CFAP77: variants seen among roughly 807,000 people sequenced by gnomAD.
CFAP77 encodes the protein cilia and flagella associated protein 77.
A neutral mutation model predicts 31.1 loss-of-function variants in CFAP77; 25 were observed. The observed-to-expected ratio is 0.80, with a 90% confidence interval of 0.59 to 1.12. The LOEUF (loss-of-function observed/expected upper bound fraction) is 1.12. Among genes scored for constraint, CFAP77 ranks in the 50% most tolerant of loss-of-function variants. CFAP77 has a pLI of 0.00. For synonymous variants in CFAP77, 151 were observed against 159.9 expected (o/e 0.94, Z 0.42); for missense variants, 377 against 397.3 (o/e 0.95, Z 0.44).
At chr9:132,434,797 T>A (rs1850475008) in intron 1 of CFAP77, among the ~76,000 whole-genome samples, 1 of 152,196 alleles carries the variant, frequency 6.6e-6, no homozygotes, top group Non-Finnish European at 1.5e-5. Context: ...TGGCTTTTGA[T>A]TTGAGCATTT....
chr9:132,477,969 GT>G (rs1564218993), intron 1 of CFAP77, among the ~76,000 whole-genome samples: 2 of 152,140 alleles, frequency 1.3e-5, no homozygotes, highest in African/African-American at 4.8e-5. Flanking sequence ...AAGTCCAAAT[GT>G]TTGCAATTTC....
intron 4 of CFAP77, 95 bp downstream of exon 4, chr9:132,537,801 G>A: frequency 1.1e-6 from 1 of 877,198 alleles, no homozygotes; most frequent in Non-Finnish European, 1.8e-6. Flanking sequence ...ACTTGTGTAT[G>A]TTTGTCATTG....
Position 132,524,798 on chromosome 9 carries a change from G to A in CFAP77, c.525-12803G>A, listed in dbSNP as rs189220514. 6.7e-3 allele frequency among the ~76,000 whole-genome samples: 1,001 copies of A among 149,600 alleles called. 30 individuals are homozygous for A. Among genetic ancestry groups the A allele is most frequent in the Non-Finnish European group, 0.01 (704 of 67,120 alleles). ...CAAGTAGCTGGGACTACAGGCGCCCGCCACCACGCCCAGCTAATTTTTTGT... is the reference window on the plus strand; with the variant it reads ...CAAGTAGCTGGGACTACAGGCGCCCACCACCACGCCCAGCTAATTTTTTGT... On this transcript the variant is annotated intron_variant, in intron 3 of 5. Transcript: ENST00000393216.
rs79202857 is a variant in CFAP77, at chr9:132,531,628, G to A, written c.525-5973G>A. ...AGTCTGGGCTTAGGCTAAGACATGGGGGGGGGGGCATGGAAGGCATTTTAA... is the reference window on the plus strand; with the variant it reads ...AGTCTGGGCTTAGGCTAAGACATGGAGGGGGGGGCATGGAAGGCATTTTAA... On this transcript the variant is annotated intron_variant, in intron 3 of 5. Coordinates refer to ENST00000393216, the MANE Select transcript of CFAP77 (RefSeq NM_001282957.2). 3.5e-3 allele frequency among the ~76,000 whole-genome samples: 512 copies of A among 144,832 alleles called. 7 individuals are homozygous for A. The East Asian group carries it at 0.038, about 11-fold the overall frequency.
chr9:132,558,937 T>C (rs1242494829), intron 5 of CFAP77, among the ~76,000 whole-genome samples: 4 of 149,534 alleles, frequency 2.7e-5, no homozygotes, highest in African/African-American at 9.9e-5. Flanking sequence ...TCACTTGAAC[T>C]GAGGAGGCAG....
intron 1 of CFAP77, among the ~76,000 whole-genome samples, chr9:132,444,077 C>T (rs1438182270): frequency 6.6e-6 from 1 of 152,250 alleles, no homozygotes; most frequent in Non-Finnish European, 1.5e-5. Flanking sequence ...GAGCAGCCAC[C>T]AGGGTGAAGG....
At chr9:132,518,880 G>C (rs913229460) in intron 3 of CFAP77, among the ~76,000 whole-genome samples, 2 of 152,212 alleles carry the variant, frequency 1.3e-5, no homozygotes, top group East Asian at 3.8e-4. Flanking sequence ...AGGGCGATAG[G>C]GCTGCAGCGT....
intron 5 of CFAP77, among the ~76,000 whole-genome samples, chr9:132,566,614 A>G (rs576508927): frequency 2.0e-4 from 31 of 152,014 alleles, no homozygotes; most frequent in African/African-American, 7.5e-4. Context: ...GGATTTGGAG[A>G]CTTTGTGGGT....
intron 5 of CFAP77, among the ~76,000 whole-genome samples, chr9:132,568,052 G>A (rs974966562): frequency 4.6e-5 from 7 of 152,294 alleles, no homozygotes; most frequent in Non-Finnish European, 7.4e-5. Flanking sequence ...TACAAGGGCC[G>A]AGGAGGAAGG....
chr9:132,490,725 C>T lies in CFAP77; in HGVS notation c.196-7970C>T, dbSNP rs1280164614. On this transcript the variant is annotated intron_variant, in intron 1 of 5. Coordinates refer to ENST00000393216, the MANE Select transcript of CFAP77 (RefSeq NM_001282957.2). This position sits in a 1 kb window ranked among gnomAD's most constrained non-coding sequence, Gnocchi z 4.6. The stretch of plus-strand genomic sequence containing the variant: ...CAAGATCTGTATGTGTCTTTCTTTT[C>T]CTGATTACCCTTCCCCCAACGCAGT... Among the ~76,000 whole-genome samples the T allele has an allele frequency of 6.6e-6, 1 of 152,166 alleles. No homozygotes were observed. The highest frequency in any genetic ancestry group is 1.5e-5 in the Non-Finnish European group (1 of 68,032).
intron 5 of CFAP77, among the ~76,000 whole-genome samples, chr9:132,546,477 A>G (rs939074521): frequency 6.6e-6 from 1 of 152,144 alleles, no homozygotes; most frequent in African/African-American, 2.4e-5. Context: ...TCACGAGCAG[A>G]TGTCGACGCT....
chr9:132,425,058 C>A (rs1250550658), intron 1 of CFAP77, among the ~76,000 whole-genome samples: 3 of 152,216 alleles, frequency 2.0e-5, no homozygotes, highest in Non-Finnish European at 4.4e-5. Context: ...GGATTAATTT[C>A]TTTAACCAAC....
chr9:132,526,226 T>C (rs1852358017), intron 3 of CFAP77, among the ~76,000 whole-genome samples: 1 of 152,000 alleles, frequency 6.6e-6, no homozygotes, highest in Admixed American at 6.6e-5. Context: ...GTTTTTTTTT[T>C]GTTTTTTTAT....
At chr9:132,445,450 A>T (rs1850693295) in intron 1 of CFAP77, among the ~76,000 whole-genome samples, 1 of 152,190 alleles carries the variant, frequency 6.6e-6, no homozygotes, top group Non-Finnish European at 1.5e-5. Flanking sequence ...ATTCCACTGT[A>T]TGGATAGACC....
At chr9:132,422,738 G>A (rs1431056962) in intron 1 of CFAP77, among the ~76,000 whole-genome samples, 1 of 152,192 alleles carries the variant, frequency 6.6e-6, no homozygotes, top group Admixed American at 6.5e-5. Flanking sequence ...AGGGCTGAGA[G>A]ACAGGTCCAG....
At chr9:132,466,833 G>T (rs1851158330) in intron 1 of CFAP77, among the ~76,000 whole-genome samples, 1 of 152,136 alleles carries the variant, frequency 6.6e-6, no homozygotes, top group Non-Finnish European at 1.5e-5. Context: ...AATGACATTT[G>T]TCACAGCCAG....
At chr9:132,491,966 T>C (rs1851660446) in intron 1 of CFAP77, among the ~76,000 whole-genome samples, 1 of 152,242 alleles carries the variant, frequency 6.6e-6, no homozygotes, top group Admixed American at 6.5e-5. Flanking sequence ...GTGATAGCTC[T>C]TCCCATAAAT....
At chr9:132,423,647 C>T (rs1437086083) in intron 1 of CFAP77, among the ~76,000 whole-genome samples, 3 of 152,174 alleles carry the variant, frequency 2.0e-5, no homozygotes, top group African/African-American at 7.2e-5. Context: ...TGTGCAGATC[C>T]AAAAAACTTA....
At chr9:132,415,639 T>C (rs1014518235) in intron 1 of CFAP77, among the ~76,000 whole-genome samples, 7 of 152,336 alleles carry the variant, frequency 4.6e-5, no homozygotes, top group African/African-American at 1.7e-4. Context: ...ATTCTGAGGC[T>C]GGGGTGAACT....
Sources: allele counts gnomAD v4.1 joint callset (sites outside exome capture counted in the v4.1 genomes callset), GRCh38; gene constraint gnomAD v4.1.1; non-coding constraint Gnocchi (gnomAD v3.1); transcripts MANE v1.5; gene names NCBI Gene and HGNC (gene_info 2026-07-23, HGNC 2026-07-21).